The following TMEM230 variants were observed in gnomAD, a reference collection of about 807,000 sequenced individuals.
TMEM230 encodes transmembrane protein 230, also known as UPF0414 transmembrane protein C20orf30.
In TMEM230, 10 loss-of-function variants were observed where a neutral mutation model predicts 15.8. That is an observed-to-expected ratio of 0.63 (90% CI 0.39 to 1.07). The LOEUF (loss-of-function observed/expected upper bound fraction) is 1.07. Ranked by LOEUF, TMEM230 falls within the 50% of genes least tolerant of loss-of-function variation. The pLI, the probability that TMEM230 is intolerant of heterozygous loss-of-function variation, is 0.01. For synonymous variants in TMEM230, 67 were observed against 76.9 expected, an observed-to-expected ratio of 0.87 and a Z score of 0.68; for missense variants, 165 against 193.3, an observed-to-expected ratio of 0.85 and a Z score of 0.87.
At chr20:5,063,189 A>AG in the TMEM230 span, among the ~76,000 whole-genome samples, 7 of 151,154 alleles carry the variant, frequency 4.6e-5, no homozygotes, top group African/African-American at 1.7e-4. Context: ...GTGCTTAAGA[A>AG]GGCCCCAGAG....
chr20:5,107,783 A>T (rs1214594814), intron 3 of TMEM230, among the ~76,000 whole-genome samples: 3 of 150,846 alleles, frequency 2.0e-5, no homozygotes, highest in African/African-American at 4.9e-5. Context: ...CACTGTACCC[A>T]AGCCTGGGCA....
downstream of TMEM230, among the ~76,000 whole-genome samples, chr20:5,064,435 G>T (rs1190616379): frequency 6.6e-6 from 1 of 152,006 alleles, no homozygotes; most frequent in Non-Finnish European, 1.5e-5. Context: ...AATTAGCTGG[G>T]TGTGGTGGGG....
intron 3 of TMEM230, among the ~76,000 whole-genome samples, chr20:5,081,095 T>C (rs2089161896): frequency 6.6e-6 from 1 of 152,196 alleles, no homozygotes. Context: ...CAATTGGAAA[T>C]AAAACAAAAC....
intron 3 of TMEM230, among the ~76,000 whole-genome samples, chr20:5,077,838 A>T (rs1007342915): frequency 6.6e-6 from 1 of 152,198 alleles, no homozygotes; most frequent in African/African-American, 2.4e-5. Flanking sequence ...AACTAAAAAA[A>T]AAAAAATCTG....
At chr20:5,063,277 A>ATTT (rs1165126313), downstream of TMEM230, among the ~76,000 whole-genome samples, 585 of 86,402 alleles carry the variant, frequency 6.8e-3, 92 homozygotes, top group African/African-American at 0.02. Flanking sequence ...GCTGCTATGA[A>ATTT]TTTTTTTTTT....
At chr20:5,072,934 C>T (rs1025787785) in intron 3 of TMEM230, among the ~76,000 whole-genome samples, 1 of 150,020 alleles carries the variant, frequency 6.7e-6, no homozygotes, top group Non-Finnish European at 1.5e-5. Flanking sequence ...CCAAACAGCA[C>T]AGTAACTTAG....
rs2090082540 is a variant in TMEM230, at chr20:5,106,182, G to A, written c.411+6C>T. 1.9e-6 allele frequency: 3 copies of A among 1,605,392 alleles called. No individual in the cohort carries two copies. In the South Asian group the frequency reaches 3.3e-5, roughly 18 times the overall value. ...ACAACTTATTCCCACATGCCCGTCAGCTTACCCCTTTGCTGATGTAGCCTG... is the reference window on the plus strand; with the variant it reads ...ACAACTTATTCCCACATGCCCGTCAACTTACCCCTTTGCTGATGTAGCCTG... On this transcript the variant is annotated splice_donor_region_variant and intron_variant, in intron 4 of 4. Transcript: ENST00000342308.
intron 2 of TMEM230, among the ~76,000 whole-genome samples, chr20:5,110,804 C>A (rs964571334): frequency 1.3e-5 from 2 of 152,244 alleles, no homozygotes; most frequent in East Asian, 3.9e-4. Context: ...AAGCAGACAG[C>A]AGTAATGAAA....
chr20:5,078,524 C>T (rs920385495), intron 3 of TMEM230, among the ~76,000 whole-genome samples: 1 of 152,164 alleles, frequency 6.6e-6, no homozygotes, highest in African/African-American at 2.4e-5. Flanking sequence ...ACCCCCAAAT[C>T]TAGTGGCTTA....
At chr20:5,112,666 A>G (rs560737527) in intron 1 of TMEM230, 5 of 1,365,208 alleles carry the variant, frequency 3.7e-6, no homozygotes, top group Admixed American at 3.4e-5. Flanking sequence ...GAATGTTACG[A>G]GAGTTCTAAA....
exon 4 of TMEM230, chr20:5,069,191 G>T (rs1246377288): frequency 4.6e-6 from 7 of 1,525,746 alleles, no homozygotes; most frequent in Non-Finnish European, 6.1e-6. Flanking sequence ...ACCAACCTCA[G>T]TCAGGTGATG....
downstream of TMEM230, chr20:5,066,419 C>T (rs1358069731): frequency 6.6e-6 from 1 of 152,164 alleles, no homozygotes; most frequent in African/African-American, 2.4e-5. Flanking sequence ...CCTGTAATCC[C>T]AGCACTTTGG....
At chr20:5,087,325 A>G (rs1439308609) in intron 3 of TMEM230, among the ~76,000 whole-genome samples, 2 of 151,988 alleles carry the variant, frequency 1.3e-5, no homozygotes, top group African/African-American at 4.8e-5. Flanking sequence ...CCTTCACTCC[A>G]AAGTATCAAT....
chr20:5,087,522 T>A (rs2089378117), intron 3 of TMEM230, among the ~76,000 whole-genome samples: 4 of 147,618 alleles, frequency 2.7e-5, no homozygotes, highest in Non-Finnish European at 3.0e-5. Flanking sequence ...TGAGACAGAG[T>A]CTCATTCTGT....
At chr20:5,109,208 G>A in intron 3 of TMEM230, 124 bp downstream of exon 2, 5 of 716,654 alleles carry the variant, frequency 7.0e-6, no homozygotes, top group Non-Finnish European at 1.1e-5. Flanking sequence ...TCAGAGCTGA[G>A]TTTTCTTCTT....
chr20:5,063,477 T>A (rs1007412653), downstream of TMEM230, among the ~76,000 whole-genome samples: 7 of 151,740 alleles, frequency 4.6e-5, no homozygotes, highest in Non-Finnish European at 1.0e-4. Flanking sequence ...TTGGTGGAGA[T>A]GGGGTTTCAC....
chr20:5,099,191 AAAATAAATAAATAAAT>A (rs60562203), downstream of TMEM230, among the ~76,000 whole-genome samples: 146 of 112,776 alleles, frequency 1.3e-3, no homozygotes, highest in African/African-American at 4.9e-3. Context: ...ACTCTGTCTC[AAAATAAATAAATAAAT>A]AAATAAATAA....
chr20:5,094,191 T>A (rs2089596234), intron 3 of TMEM230, among the ~76,000 whole-genome samples: 1 of 146,932 alleles, frequency 6.8e-6, no homozygotes, highest in African/African-American at 2.5e-5. Context: ...ACTTTTGACC[T>A]CATGATCCGC....
intron 3 of TMEM230, among the ~76,000 whole-genome samples, chr20:5,087,970 G>T (rs2122636157): frequency 6.9e-6 from 1 of 145,046 alleles, no homozygotes; most frequent in South Asian, 2.3e-4. Flanking sequence ...TGGGATTACG[G>T]GCATGAGCCA....
Sources: allele counts gnomAD v4.1 joint callset (sites outside exome capture counted in the v4.1 genomes callset), GRCh38; gene constraint gnomAD v4.1.1; transcripts MANE v1.5; gene names NCBI Gene and HGNC (gene_info 2026-07-23, HGNC 2026-07-21).